Variants in DPP3 observed in about 807,000 individuals in gnomAD.
The protein encoded by DPP3 is DPP III.
Under a neutral mutation model 89.8 loss-of-function variants are expected in DPP3, and 64 were observed. That is an observed-to-expected ratio of 0.71 (90% CI 0.58 to 0.88). DPP3 has a LOEUF of 0.88. Ranked by LOEUF, DPP3 falls within the 40% of genes least tolerant of loss-of-function variation. DPP3 has a pLI of 0.00. For missense variants in DPP3, 835 were observed against 972.5 expected (o/e 0.86, Z 1.88); for synonymous variants, 377 against 404.3 (o/e 0.93, Z 0.81).
At chr11:66,493,513 C>A in intron 11 of DPP3, 28 bp from the exon 12 acceptor site, 2 of 1,608,876 alleles carry the variant, frequency 1.2e-6, no homozygotes, top group Non-Finnish European at 1.7e-6. Context: ...GGCCAGTGGA[C>A]AGCGCGGGTC....
intron 16 of DPP3, among the ~76,000 whole-genome samples, chr11:66,502,018 G>GC (rs1393587097): frequency 1.3e-5 from 2 of 151,532 alleles, no homozygotes; most frequent in African/African-American, 4.8e-5. Flanking sequence ...CAACATGGCG[G>GC]CCCGTCTCTA....
chr11:66,493,379 C>G (rs1855448617), intron 11 of DPP3, among the ~76,000 whole-genome samples, 162 bp from the exon 12 acceptor site: 1 of 152,216 alleles, frequency 6.6e-6, no homozygotes, highest in Non-Finnish European at 1.5e-5. Flanking sequence ...TCCCTTCCTC[C>G]TGGGTTGTTG....
intron 17 of DPP3, among the ~76,000 whole-genome samples, chr11:66,508,585 C>T (rs1203701653): frequency 1.3e-5 from 2 of 152,116 alleles, no homozygotes; most frequent in Non-Finnish European, 2.9e-5. Flanking sequence ...TGCAGTGGCA[C>T]GATCTCTGCT....
intron 6 of DPP3, among the ~76,000 whole-genome samples, chr11:66,489,803 G>A (rs1475828536): frequency 2.6e-5 from 4 of 152,144 alleles, no homozygotes; most frequent in Admixed American, 6.5e-5. Context: ...GCTGGCTGCC[G>A]GCTGGAACCC....
In DPP3 at chr11:66,491,475, C is replaced by A; in HGVS notation, c.799-19C>A. ...GGTGGGTGGGTGGCCCGAGGCTGAC[C>A]GACCCCCGCTCACCTCAGGCCTATG... On this transcript the variant is annotated intron_variant, in intron 7 of 17. Coordinates refer to ENST00000531863, the MANE Select transcript of DPP3 (RefSeq NM_130443.4). The A allele has an allele frequency of 1.9e-6, 3 of 1,596,150 alleles. No individual in the cohort carries two copies. Among genetic ancestry groups the A allele is most frequent in the South Asian group, 2.2e-5 (2 of 89,820 alleles).
chr11:66,506,276 C>T (rs1032937624), intron 17 of DPP3, among the ~76,000 whole-genome samples: 1 of 148,954 alleles, frequency 6.7e-6, no homozygotes, highest in Non-Finnish European at 1.5e-5. Context: ...ATTTCTGAGA[C>T]GGAGTTTCCC....
intron 15 of DPP3, 152 bp from the exon 16 acceptor site, chr11:66,497,146 G>A (rs61890364): frequency 0.052 from 48,394 of 931,876 alleles, 1,546 homozygotes; most frequent in Non-Finnish European, 0.062. Context: ...AAAAGGACCC[G>A]CAGGGTTGGG....
In DPP3 at chr11:66,504,729, A is replaced by G. The variant is rs755110243; in HGVS notation, c.1996A>G (p.Lys666Glu). Residue 666 changes from lysine to glutamate, a missense_variant, in exon 17 of 18, where the codon AAG (lysine) becomes GAG (glutamate). Transcript: ENST00000531863. The stretch of plus-strand genomic sequence containing the variant: ...CCTCAGGGACACGGTGCTGCTGCGT[A>G]AGGAATCTCGGAAGCTCATTGTTCA... Reference protein sequence around the residue: ...LTLRDTVLLRKESRKLIVQPN... With the variant: ...LTLRDTVLLREESRKLIVQPN... 6.2e-7 allele frequency: 1 copy of G among 1,612,874 alleles called. No individual in the cohort carries two copies. The highest frequency in any genetic ancestry group is 8.5e-7 in the Non-Finnish European group (1 of 1,179,634).
At chr11:66,484,257 G>A (rs987680687) in intron 2 of DPP3, among the ~76,000 whole-genome samples, 2 of 152,168 alleles carry the variant, frequency 1.3e-5, no homozygotes, top group East Asian at 3.8e-4. Context: ...GATTACAGGT[G>A]TGAGCCACCA....
At chr11:66,501,826 A>AAAAAAAAG in intron 16 of DPP3, among the ~76,000 whole-genome samples, 1 of 96,270 alleles carries the variant, frequency 1.0e-5, no homozygotes, top group Non-Finnish European at 2.4e-5. Context: ...CTTTGTCTCC[A>AAAAAAAAG]AAAAAAAAAA....
intron 15 of DPP3, among the ~76,000 whole-genome samples, chr11:66,496,298 G>A (rs1223000315): frequency 6.6e-6 from 1 of 152,216 alleles, no homozygotes; most frequent in African/African-American, 2.4e-5. Context: ...CCAGGCTGGA[G>A]TGCAGTGGCC....
At chr11:66,492,673 T>A in intron 9 of DPP3, 43 bp from the exon 10 acceptor site, 1 of 1,538,702 alleles carries the variant, frequency 6.5e-7, no homozygotes, top group Non-Finnish European at 8.7e-7. Context: ...GTGGGAGCCC[T>A]CCTGGAACCC....
Position 66,491,694 on chromosome 11 carries a change from C to G in DPP3, c.930-4C>G, listed in dbSNP as rs1384668954. On this transcript the variant is annotated splice_region_variant and splice_polypyrimidine_tract_variant and intron_variant, in intron 8 of 17. Coordinates refer to ENST00000531863, the MANE Select transcript of DPP3 (RefSeq NM_130443.4). ...TCCTCCACCTCTGCCCTTCTCTCCC[C>G]CAGTTACATCGGGTTCATCGAGAGC... 2.5e-6 allele frequency: 4 copies of G among 1,613,582 alleles called. No individual in the cohort carries two copies. Among genetic ancestry groups the G allele is most frequent in the African/African-American group, 2.7e-5 (2 of 74,820 alleles).
chr11:66,486,789 C>A, intron 4 of DPP3, 112 bp downstream of exon 4: 1 of 1,296,744 alleles, frequency 7.7e-7, no homozygotes, highest in African/African-American at 1.5e-5. Context: ...GCCTCACACT[C>A]CTGAGGCAAT....
chr11:66,496,061 G>A (rs985049918), intron 15 of DPP3, among the ~76,000 whole-genome samples: 2 of 152,178 alleles, frequency 1.3e-5, no homozygotes, highest in Non-Finnish European at 2.9e-5. Flanking sequence ...AACTACCCCA[G>A]GAGGTAGGTG....
intron 6 of DPP3, 134 bp from the exon 7 acceptor site, chr11:66,491,119 A>G (rs973135841): frequency 7.5e-7 from 1 of 1,340,760 alleles, no homozygotes. Flanking sequence ...TGTTGGCTAC[A>G]GGGAGCCATT....
intron 15 of DPP3, 88 bp downstream of exon 15, chr11:66,495,838 T>C: frequency 6.5e-7 from 1 of 1,528,818 alleles, no homozygotes; most frequent in Non-Finnish European, 8.8e-7. Flanking sequence ...CACTGTACCT[T>C]TAAGGCAGAT....
intron 5 of DPP3, among the ~76,000 whole-genome samples, chr11:66,487,557 G>A (rs181471825): frequency 3.9e-5 from 6 of 152,228 alleles, no homozygotes; most frequent in Non-Finnish European, 8.8e-5. Context: ...GTGAGGCTCC[G>A]GGGTCCATGT....
At chr11:66,486,450 C>G in intron 3 of DPP3, 90 bp from the exon 4 acceptor site, 1 of 1,371,200 alleles carries the variant, frequency 7.3e-7, no homozygotes, top group South Asian at 2.0e-5. Flanking sequence ...GCTCTTAGAT[C>G]ATAGGAGAAG....
Sources: allele counts gnomAD v4.1 joint callset (sites outside exome capture counted in the v4.1 genomes callset), GRCh38; gene constraint gnomAD v4.1.1; transcripts MANE v1.5; gene names NCBI Gene and HGNC (gene_info 2026-07-23, HGNC 2026-07-21).